The following LTBP4 variants were observed in gnomAD, a reference collection of about 807,000 sequenced individuals.
The protein encoded by LTBP4 is latent-transforming growth factor beta-binding protein 4.
In LTBP4, 93 loss-of-function variants were observed where a neutral mutation model predicts 180.2. That is an observed-to-expected ratio of 0.52 (90% CI 0.44 to 0.61). The LOEUF (loss-of-function observed/expected upper bound fraction) is 0.61. Among genes scored for constraint, LTBP4 ranks in the 20% least tolerant of loss-of-function variants. LTBP4 has a pLI of 0.00. For missense variants in LTBP4, 2,116 were observed against 2,256.5 expected (o/e 0.94, Z 1.26); for synonymous variants, 947 against 934.5 (o/e 1.01, Z -0.24).
intron 1 of LTBP4, among the ~76,000 whole-genome samples, chr19:40,595,456 G>GC (rs869049211): frequency 0.14 from 27 of 192 alleles, 1 homozygote; most frequent in South Asian, 0.5. Context: ...TCTGCTCCCA[G>GC]GGGGTCCTGG....
At chr19:40,618,697 G>A (rs551220435) in intron 21 of LTBP4, among the ~76,000 whole-genome samples, 64 of 152,244 alleles carry the variant, frequency 4.2e-4, no homozygotes, top group African/African-American at 1.4e-3. Flanking sequence ...TTCATTCAAC[G>A]TTCAATTTAT....
Position 40,622,588 on chromosome 19 carries a change from A to T in LTBP4, c.3405A>T (p.Thr1135=), listed in dbSNP as rs2081593969. Residue 1135 remains threonine (T), a synonymous_variant, in exon 23 of 30, where the codon ACA becomes ACT. Coordinates refer to ENST00000396819, the MANE Select transcript of LTBP4 (RefSeq NM_001042545.2). The surrounding 1 kb of genome is among the most constrained non-coding windows in gnomAD (Gnocchi z 5.1). ...ACDNILARNV[T]WQECCCTVGE... ...ACAACATCCTGGCTCGGAATGTGACATGGCAGGAGTGCTGCTGTACTGTGG... is the reference window on the plus strand; with the variant it reads ...ACAACATCCTGGCTCGGAATGTGACTTGGCAGGAGTGCTGCTGTACTGTGG... 1 of 1,613,724 alleles carries T rather than the reference A, an allele frequency of 6.2e-7. No homozygotes were observed. The highest frequency in any genetic ancestry group is 8.5e-7 in the Non-Finnish European group (1 of 1,179,822).
rs748534221 is a variant in LTBP4, at chr19:40,605,387, C to A, written c.443-18C>A. On this transcript the variant is annotated intron_variant, in intron 2 of 29. Coordinates refer to ENST00000396819, the MANE Select transcript of LTBP4 (RefSeq NM_001042545.2). The surrounding 1 kb of genome is among the most constrained non-coding windows in gnomAD (Gnocchi z 5.5). ...GAACCCGTGTAGACATCCGTTTGCCCGGCCGTGCCTCCCCTAGGCGTGGCA... is the reference window on the plus strand; with the variant it reads ...GAACCCGTGTAGACATCCGTTTGCCAGGCCGTGCCTCCCCTAGGCGTGGCA... The A allele has an allele frequency of 5.6e-6, 9 of 1,612,310 alleles. No individual in the cohort carries two copies. The South Asian group carries it at 9.9e-5, about 18-fold the overall frequency.
In LTBP4 at chr19:40,611,661, T is replaced by C. The variant is rs2081507376; in HGVS notation, c.2054-198T>C. On this transcript the variant is annotated intron_variant, in intron 13 of 29. Coordinates refer to ENST00000396819, the MANE Select transcript of LTBP4 (RefSeq NM_001042545.2). This position sits in a 1 kb window ranked among gnomAD's most constrained non-coding sequence, Gnocchi z 4.4. ...GGCAGGGCAGGCAACATGGAGTTGG[T>C]GCCTTAGCCCCCACCTTAGTAGCTG... Among the ~76,000 whole-genome samples the C allele has an allele frequency of 6.6e-6, 1 of 152,118 alleles. No individual in the cohort carries two copies. Among genetic ancestry groups the C allele is most frequent in the Admixed American group, 6.5e-5 (1 of 15,286 alleles).
intron 19 of LTBP4, 134 bp downstream of exon 19, chr19:40,614,580 G>A (rs2081533566): frequency 3.3e-6 from 4 of 1,205,876 alleles, no homozygotes; most frequent in African/African-American, 1.5e-5. Context: ...CCGTATCTCT[G>A]TAGTGGAAAT....
rs183759908 is a variant in LTBP4, at chr19:40,613,599, A to G, written c.2557+70A>G. On this transcript the variant is annotated intron_variant, in intron 17 of 29. Coordinates refer to ENST00000396819, the MANE Select transcript of LTBP4 (RefSeq NM_001042545.2). This position sits in a 1 kb window ranked among gnomAD's most constrained non-coding sequence, Gnocchi z 5.0. ...GGCAGGAAAAGGCGGGACGGGGAGA[A>G]GAGGGCGAAAAGGGGAAAACGAGTT... The G allele has an allele frequency of 1.5e-3, 2,350 of 1,539,834 alleles. 5 individuals are homozygous for G. The highest frequency in any genetic ancestry group is 1.6e-3 in the Non-Finnish European group (1,877 of 1,146,516).
intron 11 of LTBP4, 145 bp from the exon 12 acceptor site, chr19:40,610,387 C>T: frequency 1.1e-6 from 1 of 911,216 alleles, no homozygotes; most frequent in East Asian, 2.7e-5. Context: ...CTCACTGTGC[C>T]CCTCTCCGGC....
intron 1 of LTBP4, among the ~76,000 whole-genome samples, chr19:40,594,891 C>A (rs905452009): frequency 1.3e-5 from 2 of 151,624 alleles, no homozygotes; most frequent in Non-Finnish European, 2.9e-5. Flanking sequence ...CCCCGTCAGT[C>A]CTGCACACCC....
chr19:40,627,583 A>C, intron 28 of LTBP4, 122 bp from the exon 29 acceptor site: 1 of 1,377,380 alleles, frequency 7.3e-7, no homozygotes, highest in South Asian at 1.4e-5. Context: ...CACCCGCCAC[A>C]GCCCTGGAGC....
chr19:40,613,644 C>T lies in LTBP4; in HGVS notation c.2557+115C>T. On this transcript the variant is annotated intron_variant, in intron 17 of 29. Transcript: ENST00000396819. The surrounding 1 kb of genome is among the most constrained non-coding windows in gnomAD (Gnocchi z 5.0). ...CGAGTTTTTAGCCGGGGTATTCCAGCAGGATCAGGGGGCAGCTGGTGGGAG... is the reference window on the plus strand; with the variant it reads ...CGAGTTTTTAGCCGGGGTATTCCAGTAGGATCAGGGGGCAGCTGGTGGGAG... 1 of 1,493,396 alleles carries T rather than the reference C, an allele frequency of 6.7e-7. No homozygotes were observed. Among genetic ancestry groups the T allele is most frequent in the African/African-American group, 1.4e-5 (1 of 71,998 alleles). 92.5% of individuals were successfully genotyped at this position (1,493,396 alleles called of 1,614,324 possible). A position where few individuals can be genotyped will look rare whatever the true frequency, so the allele number is the denominator to read the frequency against.
intron 11 of LTBP4, 121 bp from the exon 12 acceptor site, chr19:40,610,411 T>C: frequency 8.2e-7 from 1 of 1,213,412 alleles, no homozygotes; most frequent in Non-Finnish European, 1.1e-6. Flanking sequence ...CCTGGCCGGG[T>C]CCCCATCCTG....
rs970310459 is a variant in LTBP4, at chr19:40,605,968, C to T, written c.793+137C>T. 12 of 1,048,880 alleles carry T rather than the reference C, an allele frequency of 1.1e-5. No homozygotes were observed. The highest frequency in any genetic ancestry group is 1.6e-5 in the Non-Finnish European group (12 of 736,980). 65.0% of individuals were successfully genotyped at this position (1,048,880 alleles called of 1,614,324 possible). On this transcript the variant is annotated intron_variant, in intron 4 of 29. Transcript: ENST00000396819. The surrounding 1 kb of genome is among the most constrained non-coding windows in gnomAD (Gnocchi z 5.5). ...CCCCATTGTGGAGGCGACTTCCAGT[C>T]CTGAGCTTTTCATACCGCTCTGGGA...
At chr19:40,607,279 C>CCCCAACCAA in intron 6 of LTBP4, 86 bp from the exon 7 acceptor site, 1 of 1,126,374 alleles carries the variant, frequency 8.9e-7, no homozygotes, top group Non-Finnish European at 1.3e-6. Flanking sequence ...CCCCCAACCC[C>CCCCAACCAA]AGAACCATTC....
At chr19:40,617,460 A>T (rs1390899573) in intron 21 of LTBP4, among the ~76,000 whole-genome samples, 1 of 152,140 alleles carries the variant, frequency 6.6e-6, no homozygotes, top group East Asian at 1.9e-4. Context: ...CCTGGTCAAC[A>T]TGGTGAAACC....
intron 21 of LTBP4, 42 bp downstream of exon 21, chr19:40,617,267 G>T (rs755971692): frequency 1.2e-5 from 19 of 1,594,438 alleles, no homozygotes; most frequent in Admixed American, 3.4e-5. Flanking sequence ...AGGGGGTGGG[G>T]GAGGTTGGTC....
At chr19:40,602,182 T>G (rs867229882) in intron 1 of LTBP4, among the ~76,000 whole-genome samples, 4 of 29,880 alleles carry the variant, frequency 1.3e-4, no homozygotes, top group African/African-American at 2.7e-4. Flanking sequence ...TGTGTGTGTG[T>G]GGCGGCGGGG....
At position 40,606,655 on chromosome 19, in the gene LTBP4, C is replaced by T. The variant is rs975482269; in HGVS notation, c.991+129C>T. On this transcript the variant is annotated intron_variant, in intron 6 of 29. Coordinates refer to ENST00000396819, the MANE Select transcript of LTBP4 (RefSeq NM_001042545.2). The stretch of plus-strand genomic sequence containing the variant: ...CGGGTTCCTCTGTCAGCCTTAGAGC[C>T]CCCTCAGAACTTCTCAGATTCTTAT... The T allele has an allele frequency of 2.6e-6, 3 of 1,135,448 alleles. No individual in the cohort carries two copies. In the African/African-American group the frequency reaches 4.6e-5, roughly 18 times the overall value. 70.3% of individuals were successfully genotyped at this position (1,135,448 alleles called of 1,614,324 possible). A position where few individuals can be genotyped will look rare whatever the true frequency, so the allele number is the denominator to read the frequency against.
rs759045719 is a variant in LTBP4 at position 40,608,269 on chromosome 19, C to T, written c.1206C>T (p.Ala402=). ...CTGGTCCTGGTTACCACTACTCGGC[C>T]TCCGACCTCCGCTACAACACCAGAC... The part of the protein sequence containing the change: ...CPAGPGYHYS[A]SDLRYNTRPL... The change falls in exon 8 of 30, where the codon GCC becomes GCT. Residue 402 remains alanine, a synonymous_variant. Coordinates refer to ENST00000396819, the MANE Select transcript of LTBP4 (RefSeq NM_001042545.2). The T allele has an allele frequency of 1.2e-6, 2 of 1,613,962 alleles. No individual in the cohort carries two copies. The highest frequency in any genetic ancestry group is 2.2e-5 in the South Asian group (2 of 91,072).
Position 40,620,690 on chromosome 19 carries a change from C to T in LTBP4, c.3217+1197C>T, listed in dbSNP as rs145208226. On this transcript the variant is annotated intron_variant, in intron 22 of 29. Transcript: ENST00000396819. ...ATTCGAAAGGCTGAGGCAGGAAAAT[C>T]GCTTGAATCCAGGAGGCGGAGGTTG... is the stretch of plus-strand genomic sequence containing the variant. Among the ~76,000 whole-genome samples the T allele has an allele frequency of 5.2e-3, 736 of 142,558 alleles. 7 individuals carry two copies. Among genetic ancestry groups the T allele is most frequent in the African/African-American group, 0.018 (666 of 38,046 alleles). The allele number at this position is 142,558 out of a possible 152,430, so 93.5% of individuals were successfully genotyped here. A position where few individuals can be genotyped will look rare whatever the true frequency, so the allele number is the denominator to read the frequency against.
Sources: allele counts gnomAD v4.1 joint callset (sites outside exome capture counted in the v4.1 genomes callset), GRCh38; gene constraint gnomAD v4.1.1; non-coding constraint Gnocchi (gnomAD v3.1); transcripts MANE v1.5; gene names NCBI Gene and HGNC (gene_info 2026-07-23, HGNC 2026-07-21).